Variants in MAP3K5 observed in about 807,000 individuals in gnomAD.
MAP3K5 encodes mitogen-activated protein kinase kinase kinase 5.
MAP3K5 carries 56 observed loss-of-function variants against 158.7 expected under a neutral mutation model. The observed-to-expected ratio is 0.35, with a 90% CI of 0.28 to 0.44. The LOEUF is 0.44. Ranked by LOEUF, MAP3K5 falls within the 20% of genes least tolerant of loss-of-function variation. The pLI, the probability that MAP3K5 is intolerant of heterozygous loss-of-function variation, is 1.00. For missense variants in MAP3K5, 1,294 were observed against 1,674.8 expected (o/e 0.77, Z 3.97); for synonymous variants, 579 against 601.7 (o/e 0.96, Z 0.55).
At chr6:136,703,709 C>T (rs1312446010) in intron 3 of MAP3K5, among the ~76,000 whole-genome samples, 2 of 152,154 alleles carry the variant, frequency 1.3e-5, no homozygotes, top group Admixed American at 6.5e-5. Flanking sequence ...TTTATAATGG[C>T]AACATTATTT....
intron 8 of MAP3K5, among the ~76,000 whole-genome samples, chr6:136,668,663 T>C (rs1482407503): frequency 6.6e-6 from 1 of 152,148 alleles, no homozygotes; most frequent in African/African-American, 2.4e-5. Flanking sequence ...TTCACTAAGA[T>C]GCCCTAACTT....
intron 15 of MAP3K5, among the ~76,000 whole-genome samples, chr6:136,621,380 T>A (rs969525733): frequency 2.2e-4 from 34 of 152,214 alleles, no homozygotes; most frequent in African/African-American, 8.2e-4. Flanking sequence ...CGATTCACAA[T>A]CTGATAACTC....
chr6:136,695,626 G>T (rs977453365), intron 6 of MAP3K5, among the ~76,000 whole-genome samples: 8 of 152,188 alleles, frequency 5.3e-5, no homozygotes, highest in African/African-American at 1.9e-4. Flanking sequence ...CTGGTGTTGA[G>T]TGTATTTGCT....
At chr6:136,744,352 T>C (rs1044501114) in intron 1 of MAP3K5, among the ~76,000 whole-genome samples, 1 of 151,520 alleles carries the variant, frequency 6.6e-6, no homozygotes. Context: ...TATATGTATA[T>C]ATACACGTGT....
chr6:136,631,701 T>C (rs530103634), intron 14 of MAP3K5, among the ~76,000 whole-genome samples: 1 of 152,236 alleles, frequency 6.6e-6, no homozygotes, highest in South Asian at 2.1e-4. Context: ...CAAAAGTAAT[T>C]GTGGTTTTTG....
At chr6:136,791,681 G>A in intron 1 of MAP3K5, 29 bp downstream of exon 1, 2 of 1,609,240 alleles carry the variant, frequency 1.2e-6, no homozygotes, top group East Asian at 2.2e-5. Flanking sequence ...TCCCGACCGC[G>A]CGGGATGGGA....
intron 25 of MAP3K5, among the ~76,000 whole-genome samples, chr6:136,569,220 G>C (rs1774256538): frequency 6.6e-6 from 1 of 152,198 alleles, no homozygotes; most frequent in Admixed American, 6.5e-5. Flanking sequence ...ATATTTCTCT[G>C]ACATATTTTG....
chr6:136,581,818 ACG>A (rs1234336641), intron 24 of MAP3K5, among the ~76,000 whole-genome samples: 4 of 152,146 alleles, frequency 2.6e-5, no homozygotes, highest in Non-Finnish European at 5.9e-5. Context: ...ATGGTGGCTC[ACG>A]CCCTGTAATC....
At chr6:136,637,930 CCATT>C (rs1165733201) in intron 13 of MAP3K5, among the ~76,000 whole-genome samples, 1 of 152,130 alleles carries the variant, frequency 6.6e-6, no homozygotes, top group Non-Finnish European at 1.5e-5. Flanking sequence ...ACCCATCCAT[CCATT>C]CATTCAACAA....
At chr6:136,638,621 A>G (rs1298046800) in intron 13 of MAP3K5, among the ~76,000 whole-genome samples, 1 of 152,200 alleles carries the variant, frequency 6.6e-6, no homozygotes, top group Non-Finnish European at 1.5e-5. Flanking sequence ...TAAGTAGAGA[A>G]TTAGTCCATA....
intron 8 of MAP3K5, among the ~76,000 whole-genome samples, chr6:136,666,877 T>C (rs1423209402): frequency 6.6e-6 from 1 of 152,240 alleles, no homozygotes; most frequent in Non-Finnish European, 1.5e-5. Flanking sequence ...ATTTTAAGTC[T>C]GTATATGTTA....
chr6:136,751,034 T>C (rs1212516156), intron 1 of MAP3K5, among the ~76,000 whole-genome samples: 1 of 152,098 alleles, frequency 6.6e-6, no homozygotes, highest in Non-Finnish European at 1.5e-5. Context: ...CCCCAGTGAG[T>C]TGTTTTTTTC....
chr6:136,695,889 A>C, intron 6 of MAP3K5, 62 bp downstream of exon 6: 1 of 950,418 alleles, frequency 1.1e-6, no homozygotes, highest in Non-Finnish European at 1.7e-6. Context: ...ATTCTCTGTA[A>C]AGAATTGCAG....
chr6:136,751,532 A>C (rs1783208651), intron 1 of MAP3K5, among the ~76,000 whole-genome samples: 1 of 152,192 alleles, frequency 6.6e-6, no homozygotes, highest in Non-Finnish European at 1.5e-5. Context: ...TGAATGCAGA[A>C]ATCTGCTGGC....
chr6:136,792,944 A>G (rs1785153863), upstream of MAP3K5, among the ~76,000 whole-genome samples: 1 of 151,930 alleles, frequency 6.6e-6, no homozygotes, highest in South Asian at 2.1e-4. This position sits in a 1 kb window ranked among gnomAD's most constrained non-coding sequence, Gnocchi z 5.7. Context: ...GACTGAACTG[A>G]CCGCGCTGCG....
At chr6:136,739,736 C>T (rs552316832) in intron 1 of MAP3K5, among the ~76,000 whole-genome samples, 3 of 152,220 alleles carry the variant, frequency 2.0e-5, no homozygotes, top group Non-Finnish European at 2.9e-5. Context: ...TGGCAAGCCC[C>T]GTAGAAGGTG....
chr6:136,601,742 C>T lies in MAP3K5; in HGVS notation c.2857+60G>A, dbSNP rs1775884507. ...TTAGTTTACTTCCGGAAAATTCTTC[C>T]ATCTTAAAAGCTTAGGATTGAAGGA... is the stretch of plus-strand genomic sequence containing the variant. On this transcript the variant is annotated intron_variant, in intron 20 of 29. Coordinates refer to ENST00000359015, the MANE Select transcript of MAP3K5 (RefSeq NM_005923.4). 2.7e-6 allele frequency: 4 copies of T among 1,502,812 alleles called. No homozygotes were observed. In the East Asian group the frequency reaches 9.1e-5, roughly 34 times the overall value. The allele number at this position is 1,502,812 out of a possible 1,614,324, so 93.1% of individuals were successfully genotyped here.
At chr6:136,743,529 C>A (rs1288973098) in intron 1 of MAP3K5, among the ~76,000 whole-genome samples, 1 of 152,110 alleles carries the variant, frequency 6.6e-6, no homozygotes, top group Non-Finnish European at 1.5e-5. Flanking sequence ...AACACTGACG[C>A]CATCAAAGGC....
intron 2 of MAP3K5, among the ~76,000 whole-genome samples, chr6:136,714,857 A>C (rs1165906964): frequency 6.6e-6 from 1 of 152,200 alleles, no homozygotes; most frequent in African/African-American, 2.4e-5. Flanking sequence ...CTAAGATTTC[A>C]TGCTAGCCAG....
Sources: allele counts gnomAD v4.1 joint callset (sites outside exome capture counted in the v4.1 genomes callset), GRCh38; gene constraint gnomAD v4.1.1; non-coding constraint Gnocchi (gnomAD v3.1); transcripts MANE v1.5; gene names NCBI Gene and HGNC (gene_info 2026-07-23, HGNC 2026-07-21).